The following YY1AP1 variants were observed in gnomAD, a reference collection of about 807,000 sequenced individuals.
YY1AP1 encodes the protein YY1 associated protein 1.
Under a neutral mutation model 39.9 loss-of-function variants are expected in YY1AP1, and 43 were observed. That is an observed-to-expected ratio of 1.08 (90% confidence interval 0.84 to 1.39). YY1AP1 has a LOEUF of 1.39. Among genes scored for constraint, YY1AP1 ranks in the 40% most tolerant of loss-of-function variants. The pLI, the probability that YY1AP1 is intolerant of heterozygous loss-of-function variation, is 0.00. For missense variants in YY1AP1, 813 were observed against 900.7 expected (o/e 0.90, Z 1.25); for synonymous variants, 292 against 331.3 (o/e 0.88, Z 1.29).
intron 9 of YY1AP1, among the ~76,000 whole-genome samples, chr1:155,663,998 G>C (rs1460340265): frequency 2.9e-5 from 4 of 136,872 alleles, no homozygotes; most frequent in African/African-American, 1.1e-4. Context: ...AACATAACGA[G>C]ACCATGTCTT....
intron 9 of YY1AP1, among the ~76,000 whole-genome samples, chr1:155,666,474 C>T (rs2149034369): frequency 6.6e-6 from 1 of 152,292 alleles, no homozygotes; most frequent in South Asian, 2.1e-4. Flanking sequence ...AACCAAAATT[C>T]TACCATAACT....
intron 2 of YY1AP1, among the ~76,000 whole-genome samples, chr1:155,685,361 A>ACGCTT (rs1447176246): frequency 6.6e-6 from 1 of 152,202 alleles, no homozygotes; most frequent in Non-Finnish European, 1.5e-5. Context: ...TCAAGCACAG[A>ACGCTT]GACCATATAT....
At chr1:155,665,841 A>G (rs1216336262) in intron 9 of YY1AP1, among the ~76,000 whole-genome samples, 1 of 151,642 alleles carries the variant, frequency 6.6e-6, no homozygotes, top group Admixed American at 6.6e-5. Flanking sequence ...GGAATTCAGG[A>G]AATAAGAGGA....
intron 9 of YY1AP1, among the ~76,000 whole-genome samples, chr1:155,664,025 A>T (rs998564653): frequency 6.6e-6 from 1 of 151,772 alleles, no homozygotes; most frequent in African/African-American, 2.4e-5. Flanking sequence ...AAAAAAAAAA[A>T]AAATTAGCTG....
chr1:155,659,570 A>T lies in YY1AP1; in HGVS notation c.*87T>A. On this transcript the variant is annotated 3_prime_UTR_variant, in exon 11 of 11. Coordinates refer to ENST00000355499, the MANE Select transcript of YY1AP1 (RefSeq NM_139119.3). ...AAAATCTGGGGTTTAAGTACCCTTT[A>T]GGGGTTTCCTATTGGTTACACCCTA... 6.8e-7 allele frequency: 1 copy of T among 1,468,338 alleles called. No homozygotes were observed. Among genetic ancestry groups the T allele is most frequent in the Non-Finnish European group, 9.3e-7 (1 of 1,073,836 alleles). 91.0% of individuals were successfully genotyped at this position (1,468,338 alleles called of 1,614,324 possible). A position where few individuals can be genotyped will look rare whatever the true frequency, so the allele number is the denominator to read the frequency against.
intron 8 of YY1AP1, 85 bp downstream of exon 8, chr1:155,670,235 T>A (rs1252730206): frequency 5.1e-6 from 8 of 1,575,238 alleles, no homozygotes; most frequent in Non-Finnish European, 7.0e-6. Flanking sequence ...CCATGTCTTA[T>A]TATACAAGTC....
intron 5 of YY1AP1, 48 bp downstream of exon 5, chr1:155,676,500 T>A (rs762518105): frequency 6.2e-7 from 1 of 1,607,410 alleles, no homozygotes; most frequent in Non-Finnish European, 8.5e-7. Flanking sequence ...AGCCTCAGAG[T>A]TAGGCCTTGG....
chr1:155,670,820 G>A (rs1029641669), intron 7 of YY1AP1: 6 of 237,526 alleles, frequency 2.5e-5, no homozygotes, highest in Admixed American at 1.0e-4. Flanking sequence ...GACTACAGGC[G>A]CCTGCCACCA....
upstream of YY1AP1, chr1:155,688,929 C>T (rs1653211396): frequency 1.2e-6 from 2 of 1,613,022 alleles, no homozygotes; most frequent in Admixed American, 3.3e-5. Context: ...TGACAACCTA[C>T]CTCCCTGGGT....
chr1:155,674,029 C>A lies in YY1AP1; in HGVS notation c.411+981G>T, dbSNP rs374678181. 2.0e-5 allele frequency among the ~76,000 whole-genome samples: 3 copies of A among 151,504 alleles called. No homozygotes were observed. The East Asian group carries it at 5.8e-4, about 29-fold the overall frequency. ...ACAAAAAATTAGCCGGGCATAGTGG[C>A]GGGTGCCTGTAGTCCCAGCTACTTG... On this transcript the variant is annotated intron_variant, in intron 6 of 10. Coordinates refer to ENST00000355499, the MANE Select transcript of YY1AP1 (RefSeq NM_139119.3).
chr1:155,684,078 T>C (rs1193642324), intron 2 of YY1AP1, among the ~76,000 whole-genome samples: 1 of 152,150 alleles, frequency 6.6e-6, no homozygotes, highest in African/African-American at 2.4e-5. Context: ...GGAAACCCTG[T>C]CTCAACTAAA....
chr1:155,661,820 T>A (rs1315205544), intron 9 of YY1AP1, among the ~76,000 whole-genome samples: 1 of 152,132 alleles, frequency 6.6e-6, no homozygotes, highest in East Asian at 1.9e-4. Context: ...CACACCCGGC[T>A]GATTTTTTTG....
At chr1:155,680,307 G>C in intron 3 of YY1AP1, 109 bp downstream of exon 3, 1 of 1,261,354 alleles carries the variant, frequency 7.9e-7, no homozygotes, top group Non-Finnish European at 1.1e-6. Context: ...ACTAAAAGGA[G>C]AATTGGTTCA....
intron 7 of YY1AP1, among the ~76,000 whole-genome samples, chr1:155,671,430 TA>T (rs796876942): frequency 2.9e-3 from 403 of 139,576 alleles, no homozygotes; most frequent in Middle Eastern, 3.6e-3. Flanking sequence ...GACTCCATCT[TA>T]AAAAAAAAAA....
At chr1:155,679,812 G>GT (rs1244663772) in intron 3 of YY1AP1, 1 of 1,222,162 alleles carries the variant, frequency 8.2e-7, no homozygotes, top group Non-Finnish European at 1.0e-6. Flanking sequence ...TATGGAAAAG[G>GT]TAATTATTTG....
intron 9 of YY1AP1, among the ~76,000 whole-genome samples, chr1:155,664,340 T>C (rs769380180): frequency 9.9e-5 from 15 of 152,224 alleles, no homozygotes; most frequent in Non-Finnish European, 1.8e-4. Context: ...AGGTCCCATG[T>C]ACCCTTCAAC....
chr1:155,665,880 C>T (rs550119083), intron 9 of YY1AP1, among the ~76,000 whole-genome samples: 10 of 150,972 alleles, frequency 6.6e-5, no homozygotes, highest in African/African-American at 2.4e-4. Flanking sequence ...AAAAGGAATT[C>T]CTGGGATGAT....
intron 4 of YY1AP1, among the ~76,000 whole-genome samples, chr1:155,677,264 A>G (rs1650833470): frequency 6.6e-6 from 1 of 152,224 alleles, no homozygotes; most frequent in Non-Finnish European, 1.5e-5. Context: ...TCAAATGAAC[A>G]GAACGGAGAA....
chr1:155,688,082 C>T lies in YY1AP1; in HGVS notation c.-32G>A, dbSNP rs773355626. The T allele has an allele frequency of 4.4e-6, 7 of 1,588,498 alleles. No homozygotes were observed. In the Admixed American group the frequency reaches 1.2e-4, roughly 27 times the overall value. Reference sequence around the variant, plus strand: ...ATCGTTCTACTCACCGTGTCGGAGGCCGAGAGCGATGAGAGTACAGGGAAG... The same window carrying T: ...ATCGTTCTACTCACCGTGTCGGAGGTCGAGAGCGATGAGAGTACAGGGAAG... On this transcript the variant is annotated 5_prime_UTR_variant, in exon 2 of 11. Coordinates refer to ENST00000355499, the MANE Select transcript of YY1AP1 (RefSeq NM_139119.3).
Sources: gnomAD v4.1 joint callset for allele counts (sites outside exome capture counted in the v4.1 genomes callset) on GRCh38, gnomAD v4.1.1 for gene constraint, MANE v1.5 for transcripts, NCBI Gene and HGNC (gene_info 2026-07-23, HGNC 2026-07-21) for gene names.